Variants in RAB31 observed in about 807,000 individuals in gnomAD.
RAB31 encodes ras-related protein Rab-31.
RAB31 carries 21 observed loss-of-function variants against 25.6 expected under a neutral mutation model. The observed-to-expected ratio is 0.82, with a 90% CI of 0.58 to 1.18. The LOEUF is 1.18. Ranked by LOEUF, RAB31 falls within the 50% of genes most tolerant of loss-of-function variation. The probability of loss-of-function intolerance (pLI) is 0.00; values close to 1 mark genes in which losing one functional copy is unlikely to be tolerated. For missense variants in RAB31, 196 were observed against 250.1 expected, an observed-to-expected ratio of 0.78 and a Z score of 1.46; for synonymous variants, 87 against 84.0, an observed-to-expected ratio of 1.04 and a Z score of -0.20.
intron 2 of RAB31, among the ~76,000 whole-genome samples, chr18:9,777,336 T>C (rs2068377230): frequency 1.3e-5 from 2 of 152,102 alleles, no homozygotes; most frequent in Admixed American, 6.6e-5. Flanking sequence ...AATAAGTAAA[T>C]AGATAAATAA....
At chr18:9,856,150 A>G (rs939398942) in intron 6 of RAB31, 2 of 152,262 alleles carry the variant, frequency 1.3e-5, no homozygotes, top group Non-Finnish European at 2.9e-5. Context: ...TTCTGAAGAT[A>G]AAAGAACCTG....
At chr18:9,855,887 C>T (rs1165229954) in intron 6 of RAB31, among the ~76,000 whole-genome samples, 2 of 152,152 alleles carry the variant, frequency 1.3e-5, no homozygotes, top group South Asian at 2.1e-4. Flanking sequence ...ACCCATGAGC[C>T]GTGCCCAGAA....
chr18:9,783,742 C>T (rs1381493833), intron 2 of RAB31, among the ~76,000 whole-genome samples: 3 of 152,130 alleles, frequency 2.0e-5, no homozygotes. Flanking sequence ...ATGAATACCA[C>T]AGTTGAAAGG....
At chr18:9,742,962 T>C (rs2068187485) in intron 1 of RAB31, among the ~76,000 whole-genome samples, 1 of 152,162 alleles carries the variant, frequency 6.6e-6, no homozygotes. Context: ...TGAAATACAG[T>C]AGGATTTTAA....
chr18:9,754,684 G>A (rs1259792142), intron 1 of RAB31, among the ~76,000 whole-genome samples: 1 of 152,156 alleles, frequency 6.6e-6, no homozygotes, highest in Non-Finnish European at 1.5e-5. Flanking sequence ...ATGATTTAAA[G>A]TGTACAGGAG....
chr18:9,779,643 A>G lies in RAB31; in HGVS notation c.119+4286A>G, dbSNP rs74342734. Among the ~76,000 whole-genome samples, 748 of 152,312 alleles carry G rather than the reference A, an allele frequency of 4.9e-3. 10 individuals are homozygous for G. Among genetic ancestry groups the G allele is most frequent in the African/African-American group, 0.017 (701 of 41,566 alleles). ...TATTTGGGACATGTGTATACTAAAA[A>G]TTTATTAGTTCTTTATCTGAAATTC... is the stretch of plus-strand genomic sequence containing the variant. On this transcript the variant is annotated intron_variant, in intron 2 of 6. Transcript: ENST00000578921.
intron 1 of RAB31, among the ~76,000 whole-genome samples, chr18:9,771,523 CG>C (rs1174088261): frequency 2.6e-5 from 4 of 152,308 alleles, no homozygotes; most frequent in African/African-American, 7.2e-5. Flanking sequence ...TCTTCACATG[CG>C]ACAGCCACTA....
At chr18:9,718,098 C>A (rs2068053506) in intron 1 of RAB31, among the ~76,000 whole-genome samples, 1 of 151,920 alleles carries the variant, frequency 6.6e-6, no homozygotes, top group Non-Finnish European at 1.5e-5. Context: ...GGGCTTGCCA[C>A]GTTGCCCAGG....
intron 1 of RAB31, among the ~76,000 whole-genome samples, chr18:9,743,148 T>C (rs1184529897): frequency 1.3e-5 from 2 of 152,220 alleles, no homozygotes; most frequent in Non-Finnish European, 2.9e-5. Flanking sequence ...TTGACTGAAA[T>C]AGTTTTGCTT....
intron 3 of RAB31, among the ~76,000 whole-genome samples, chr18:9,803,831 G>A (rs558816556): frequency 5.3e-5 from 8 of 152,350 alleles, no homozygotes; most frequent in Admixed American, 1.3e-4. Context: ...GGACTGCCTC[G>A]GTCCACAGAC....
At chr18:9,727,981 GT>G (rs2145462906) in intron 1 of RAB31, among the ~76,000 whole-genome samples, 1 of 152,282 alleles carries the variant, frequency 6.6e-6, no homozygotes, top group East Asian at 1.9e-4. Context: ...TTTTAAAGTT[GT>G]TTTTAATGAC....
chr18:9,747,634 T>G lies in RAB31; in HGVS notation c.40-27644T>G, dbSNP rs2068212344. On this transcript the variant is annotated intron_variant, in intron 1 of 6. Coordinates refer to ENST00000578921, the MANE Select transcript of RAB31 (RefSeq NM_006868.4). ...AAAGGTCACATATTGTGTGATTCCT[T>G]TCATAGGGCTTGTGCAGAGTAAGTC... Among the ~76,000 whole-genome samples the G allele has an allele frequency of 2.0e-5, 3 of 152,184 alleles. No homozygotes were observed. The South Asian group carries it at 6.2e-4, about 32-fold the overall frequency.
chr18:9,792,205 C>A lies in RAB31; in HGVS notation c.171C>A (p.Phe57Leu). ...CTTGTGGAAATGAACTTCACAAGTTCCTCATCTGGGACACTGCTGGTCAGG... is the reference window on the plus strand; with the variant it reads ...CTTGTGGAAATGAACTTCACAAGTTACTCATCTGGGACACTGCTGGTCAGG... ...TVPCGNELHK[F>L]LIWDTAGQER... The change falls in exon 3 of 7, where the codon TTC becomes TTA. Residue 57 changes from phenylalanine to leucine, a missense_variant. Coordinates refer to ENST00000578921, the MANE Select transcript of RAB31 (RefSeq NM_006868.4). 1 of 1,612,516 alleles carries A rather than the reference C, an allele frequency of 6.2e-7. No homozygotes were observed. The highest frequency in any genetic ancestry group is 8.5e-7 in the Non-Finnish European group (1 of 1,179,322).
At chr18:9,807,989 A>G (rs1183280825) in intron 3 of RAB31, among the ~76,000 whole-genome samples, 1 of 152,168 alleles carries the variant, frequency 6.6e-6, no homozygotes, top group Non-Finnish European at 1.5e-5. Context: ...GTCAATCAAT[A>G]AAAGTAATCC....
chr18:9,764,674 A>G (rs1218328233), intron 1 of RAB31, among the ~76,000 whole-genome samples: 1 of 152,052 alleles, frequency 6.6e-6, no homozygotes, highest in Non-Finnish European at 1.5e-5. Context: ...ATTCTCTGGT[A>G]GGATGTTTTA....
chr18:9,724,963 G>A (rs2068090391), intron 1 of RAB31, among the ~76,000 whole-genome samples: 1 of 152,160 alleles, frequency 6.6e-6, no homozygotes. Context: ...TGAAGGCTTT[G>A]TTGCTTACCT....
chr18:9,827,331 T>A (rs1446063403), intron 5 of RAB31, among the ~76,000 whole-genome samples: 2 of 152,030 alleles, frequency 1.3e-5, no homozygotes, highest in Non-Finnish European at 2.9e-5. Context: ...CCTAGTTTAT[T>A]TTATCTTACA....
rs1334151265 is a variant in RAB31 at position 9,861,813 on chromosome 18, C to T, written c.*2488C>T. On this transcript the variant is annotated 3_prime_UTR_variant, in exon 7 of 7. Coordinates refer to ENST00000578921, the MANE Select transcript of RAB31 (RefSeq NM_006868.4). The stretch of plus-strand genomic sequence containing the variant: ...TGTAAATATGATTGTATATGTGTTA[C>T]TCCGATATGTAATCCATTTCACTGG... The T allele has an allele frequency of 6.6e-6, 1 of 152,084 alleles. No homozygotes were observed. The highest frequency in any genetic ancestry group is 1.9e-4 in the East Asian group (1 of 5,186). The allele number at this position is 152,084 out of a possible 1,614,324, so 9.4% of individuals were successfully genotyped here. A position where few individuals can be genotyped will look rare whatever the true frequency, so the allele number is the denominator to read the frequency against.
intron 2 of RAB31, among the ~76,000 whole-genome samples, chr18:9,780,078 A>G (rs2068394097): frequency 6.6e-6 from 1 of 151,746 alleles, no homozygotes; most frequent in Non-Finnish European, 1.5e-5. Flanking sequence ...TGGGAGGCTG[A>G]GGTAGGAGGA....
Sources: gnomAD v4.1 joint callset for allele counts (sites outside exome capture counted in the v4.1 genomes callset) on GRCh38, gnomAD v4.1.1 for gene constraint, MANE v1.5 for transcripts, NCBI Gene and HGNC (gene_info 2026-07-23, HGNC 2026-07-21) for gene names.